Variants in PDE1A observed in about 807,000 individuals in gnomAD.
The protein encoded by PDE1A is phosphodiesterase 1A, also known as dual specificity calcium/calmodulin-dependent 3',5'-cyclic nucleotide phosphodiesterase 1A.
Under a neutral mutation model 61.7 loss-of-function variants are expected in PDE1A, and 35 were observed. That is an observed-to-expected ratio of 0.57 (90% confidence interval 0.43 to 0.75). The LOEUF is 0.75. Ranked by LOEUF, PDE1A falls within the 30% of genes least tolerant of loss-of-function variation. The pLI is 0.00. For missense variants in PDE1A, 597 were observed against 630.6 expected (o/e 0.95, Z 0.57); for synonymous variants, 232 against 213.2 (o/e 1.09, Z -0.77).
chr2:182,172,854 C>G (rs926316952), intron 13 of PDE1A, among the ~76,000 whole-genome samples: 2 of 151,922 alleles, frequency 1.3e-5, no homozygotes, highest in African/African-American at 4.8e-5. Context: ...AAAACATAGG[C>G]GTAGCTAGAC....
intron 1 of PDE1A, among the ~76,000 whole-genome samples, chr2:182,371,980 G>A (rs1202867651): frequency 6.6e-6 from 1 of 152,086 alleles, no homozygotes; most frequent in African/African-American, 2.4e-5. Flanking sequence ...ATTTTTAGTA[G>A]AGATGAAGTC....
intron 1 of PDE1A, among the ~76,000 whole-genome samples, chr2:182,394,169 C>T (rs1326683356): frequency 6.6e-6 from 1 of 152,040 alleles, no homozygotes; most frequent in East Asian, 1.9e-4. Context: ...AAAGATATAC[C>T]CCAAAACTGG....
At chr2:182,381,461 CT>C (rs1700731960) in intron 1 of PDE1A, among the ~76,000 whole-genome samples, 1 of 152,080 alleles carries the variant, frequency 6.6e-6, no homozygotes, top group Admixed American at 6.6e-5. Flanking sequence ...TTTAAAGGGC[CT>C]TTGTTGAATG....
intron 2 of PDE1A, among the ~76,000 whole-genome samples, chr2:182,512,090 C>T (rs1466502921): frequency 7.5e-6 from 1 of 132,844 alleles, no homozygotes; most frequent in Non-Finnish European, 1.7e-5. Flanking sequence ...AATGTGCACA[C>T]AGAGCCCACC....
At chr2:182,242,033 T>G in intron 2 of PDE1A, 1 of 1,309,914 alleles carries the variant, frequency 7.6e-7, no homozygotes. Context: ...AGATACAGTG[T>G]AGGTAGAACA....
chr2:182,211,317 G>GT (rs1476800070), intron 7 of PDE1A, among the ~76,000 whole-genome samples: 4 of 152,188 alleles, frequency 2.6e-5, no homozygotes, highest in African/African-American at 9.7e-5. Context: ...TCAAAGATCA[G>GT]TTGACTATAT....
chr2:182,533,730 C>T, the PDE1A span, among the ~76,000 whole-genome samples: 1 of 151,932 alleles, frequency 6.6e-6, no homozygotes, highest in African/African-American at 2.4e-5. Flanking sequence ...GAGGAGAGGA[C>T]CACAAATTTC....
intron 13 of PDE1A, among the ~76,000 whole-genome samples, chr2:182,161,059 A>C (rs1288084049): frequency 1.3e-5 from 2 of 152,194 alleles, no homozygotes; most frequent in African/African-American, 2.4e-5. Context: ...TCTGGTGGGA[A>C]ACCAAGAAAT....
the PDE1A span, among the ~76,000 whole-genome samples, chr2:182,680,922 G>A: frequency 7.2e-5 from 11 of 152,282 alleles, no homozygotes; most frequent in Admixed American, 7.2e-4. Context: ...TCAATTACAT[G>A]TAAATTAATG....
the PDE1A span, among the ~76,000 whole-genome samples, chr2:182,621,464 C>T: frequency 6.6e-6 from 1 of 152,112 alleles, no homozygotes; most frequent in Non-Finnish European, 1.5e-5. Flanking sequence ...ATCCTTTTTA[C>T]TCTCCAACCT....
At chr2:182,624,532 T>C in the PDE1A span, among the ~76,000 whole-genome samples, 1 of 152,174 alleles carries the variant, frequency 6.6e-6, no homozygotes, top group Non-Finnish European at 1.5e-5. Flanking sequence ...CGCAGAAACC[T>C]TTCTTTTATG....
At chr2:182,712,051 C>T in the PDE1A span, among the ~76,000 whole-genome samples, 1 of 152,178 alleles carries the variant, frequency 6.6e-6, no homozygotes, top group Non-Finnish European at 1.5e-5. Context: ...AATTTGCAGC[C>T]TGCAATGGAT....
the PDE1A span, among the ~76,000 whole-genome samples, chr2:182,645,246 A>G: frequency 2.0e-5 from 3 of 148,308 alleles, no homozygotes. Context: ...TCGGCCTCCC[A>G]AAGTGCTGGG....
chr2:182,246,505 G>A (rs1382040797), intron 2 of PDE1A, among the ~76,000 whole-genome samples: 2 of 145,656 alleles, frequency 1.4e-5, no homozygotes, highest in African/African-American at 2.5e-5. Context: ...CCATGTTCAA[G>A]CGATTCTCCT....
At chr2:182,210,433 T>C (rs1315880831) in intron 7 of PDE1A, among the ~76,000 whole-genome samples, 1 of 152,234 alleles carries the variant, frequency 6.6e-6, no homozygotes, top group Non-Finnish European at 1.5e-5. Flanking sequence ...ATATGCCTAT[T>C]TGCCATTTGT....
At chr2:182,323,734 G>C (rs1696855502) in intron 1 of PDE1A, among the ~76,000 whole-genome samples, 1 of 152,280 alleles carries the variant, frequency 6.6e-6, no homozygotes, top group East Asian at 1.9e-4. Flanking sequence ...AGGAACACAA[G>C]GAGGATAGTA....
chr2:182,391,310 C>A (rs1701407509), intron 1 of PDE1A, among the ~76,000 whole-genome samples: 1 of 151,988 alleles, frequency 6.6e-6, no homozygotes, highest in South Asian at 2.1e-4. Flanking sequence ...TTTAATGTTG[C>A]CAGCTCTGGG....
At chr2:182,521,400 T>C (rs1690558400) in intron 2 of PDE1A, among the ~76,000 whole-genome samples, 2 of 152,074 alleles carry the variant, frequency 1.3e-5, no homozygotes, top group African/African-American at 4.8e-5. Flanking sequence ...TCTGCAAATA[T>C]ACTAAGCAAT....
rs115567296 is a variant in PDE1A at position 182,210,719 on chromosome 2, C to A, written c.777-4654G>T. 4.0e-3 allele frequency among the ~76,000 whole-genome samples: 607 copies of A among 152,038 alleles called. 5 individuals are homozygous for A. Among genetic ancestry groups the A allele is most frequent in the African/African-American group, 0.014 (574 of 41,458 alleles). On this transcript the variant is annotated intron_variant, in intron 7 of 13. Transcript: ENST00000351439. The stretch of plus-strand genomic sequence containing the variant: ...GCCTTTGATATTATATTTAAAAAGT[C>A]ATCACCAAATCTAAGGTCATCTAGA...
Sources: allele counts gnomAD v4.1 joint callset (sites outside exome capture counted in the v4.1 genomes callset), GRCh38; gene constraint gnomAD v4.1.1; transcripts MANE v1.5; gene names NCBI Gene and HGNC (gene_info 2026-07-23, HGNC 2026-07-21).